The following CACNG4 variants were observed in gnomAD, a reference collection of about 807,000 sequenced individuals.
CACNG4 encodes the protein calcium voltage-gated channel auxiliary subunit gamma 4.
CACNG4 carries 8 observed loss-of-function variants against 22.9 expected under a neutral mutation model. That is an observed-to-expected ratio of 0.35 (90% CI 0.21 to 0.63). The LOEUF (loss-of-function observed/expected upper bound fraction) is 0.63. CACNG4 is among the 30% of genes least tolerant of loss of function. The pLI, the probability that CACNG4 is intolerant of heterozygous loss-of-function variation, is 0.72. For missense variants in CACNG4, 357 were observed against 455.4 expected, an observed-to-expected ratio of 0.78 and a Z score of 1.97; for synonymous variants, 188 against 191.9, an observed-to-expected ratio of 0.98 and a Z score of 0.17.
rs2035575206 is a variant in CACNG4 at position 67,027,507 on chromosome 17, G to A, written c.445+2507G>A. Among the ~76,000 whole-genome samples, 1 of 152,234 alleles carries A rather than the reference G, an allele frequency of 6.6e-6. No homozygotes were observed. The highest frequency in any genetic ancestry group is 2.4e-5 in the African/African-American group (1 of 41,464). On this transcript the variant is annotated intron_variant, in intron 3 of 3. Transcript: ENST00000262138. The surrounding 1 kb of genome is among the most constrained non-coding windows in gnomAD (Gnocchi z 4.3). ...GGCTTCAGGCCACCAGCCCTAGCAGGGAGGTCTGACAGGCTCTTAAAGAAC... is the reference window on the plus strand; with the variant it reads ...GGCTTCAGGCCACCAGCCCTAGCAGAGAGGTCTGACAGGCTCTTAAAGAAC...
At chr17:67,006,312 C>T (rs1429729740) in intron 1 of CACNG4, among the ~76,000 whole-genome samples, 2 of 152,294 alleles carry the variant, frequency 1.3e-5, no homozygotes, top group East Asian at 1.9e-4. Context: ...GGGTCTAGAG[C>T]TCCGGGCATG....
chr17:66,965,680 A>G (rs1176184308), intron 1 of CACNG4, among the ~76,000 whole-genome samples: 1 of 92,916 alleles, frequency 1.1e-5, no homozygotes, highest in Non-Finnish European at 2.0e-5. Context: ...CGCTTTCTAC[A>G]GGCTCGGGCT....
chr17:67,012,568 G>C (rs190007281), intron 1 of CACNG4, among the ~76,000 whole-genome samples: 2 of 152,112 alleles, frequency 1.3e-5, no homozygotes, highest in Non-Finnish European at 2.9e-5. Flanking sequence ...GCCCACCAAG[G>C]GACAGCGTTT....
At position 67,031,641 on chromosome 17, in the gene CACNG4, C is replaced by T. The variant is rs1208529013; in HGVS notation, c.*637C>T. Reference sequence around the variant, plus strand: ...CTGTCCCGGGGCCAGCTTCCCTCGACCTGGGGAGGCCGTGGCCTGTGGAGG... The same window carrying T: ...CTGTCCCGGGGCCAGCTTCCCTCGATCTGGGGAGGCCGTGGCCTGTGGAGG... On this transcript the variant is annotated 3_prime_UTR_variant, in exon 4 of 4. Coordinates refer to ENST00000262138, the MANE Select transcript of CACNG4 (RefSeq NM_014405.4). This position sits in a 1 kb window ranked among gnomAD's most constrained non-coding sequence, Gnocchi z 4.0. 1 of 456,764 alleles carries T rather than the reference C, an allele frequency of 2.2e-6. No individual in the cohort carries two copies. Among genetic ancestry groups the T allele is most frequent in the Non-Finnish European group, 4.4e-6 (1 of 226,978 alleles). The allele number at this position is 456,764 out of a possible 1,614,324, so 28.3% of individuals were successfully genotyped here. A position where few individuals can be genotyped will look rare whatever the true frequency, so the allele number is the denominator to read the frequency against.
intron 1 of CACNG4, among the ~76,000 whole-genome samples, chr17:66,993,669 G>A (rs537537272): frequency 3.9e-5 from 6 of 152,164 alleles, no homozygotes; most frequent in South Asian, 2.1e-4. Context: ...GCAGTGGCGC[G>A]ATCTCGGCTC....
chr17:66,986,732 G>C (rs1179648386), intron 1 of CACNG4, among the ~76,000 whole-genome samples: 2 of 152,154 alleles, frequency 1.3e-5, no homozygotes, highest in Admixed American at 1.3e-4. Context: ...GGTGTCCCTT[G>C]GCTTTGTAGA....
chr17:66,976,036 G>A (rs964746484), intron 1 of CACNG4, among the ~76,000 whole-genome samples: 5 of 152,184 alleles, frequency 3.3e-5, no homozygotes, highest in Admixed American at 6.5e-5. Flanking sequence ...CAGAGACAGC[G>A]CTCGTGGGGG....
chr17:67,002,608 ATCTCTCTCTTTC>A (rs1195703331), intron 1 of CACNG4, among the ~76,000 whole-genome samples: 21 of 136,410 alleles, frequency 1.5e-4, no homozygotes, highest in African/African-American at 6.0e-4. Flanking sequence ...TCCACCTCTC[ATCTCTCTCTTTC>A]TCTCTCTCTC....
chr17:66,968,128 A>C (rs1341692362), intron 1 of CACNG4, among the ~76,000 whole-genome samples: 2 of 152,138 alleles, frequency 1.3e-5, no homozygotes, highest in East Asian at 3.9e-4. Flanking sequence ...AGAGAGGTTC[A>C]GGGACTTGCC....
chr17:66,990,699 G>A (rs1302413122), intron 1 of CACNG4, among the ~76,000 whole-genome samples: 1 of 136,034 alleles, frequency 7.4e-6, no homozygotes, highest in Non-Finnish European at 1.5e-5. Flanking sequence ...ATTTATTTTT[G>A]AGACGGAGTC....
rs1335064617 is a variant in CACNG4, at chr17:66,964,797, G to T, written c.-115G>T. Reference sequence around the variant, plus strand: ...GGGTCGGAGCGCGCAGCGCGGCGCCGCCCCCCGGCCCTCGGCCCCCCAACC... The same window carrying T: ...GGGTCGGAGCGCGCAGCGCGGCGCCTCCCCCCGGCCCTCGGCCCCCCAACC... On this transcript the variant is annotated 5_prime_UTR_variant, in exon 1 of 4. Coordinates refer to ENST00000262138, the MANE Select transcript of CACNG4 (RefSeq NM_014405.4). 9 of 276,766 alleles carry T rather than the reference G, an allele frequency of 3.3e-5. No individual in the cohort carries two copies. In the Admixed American group the frequency reaches 5.5e-4, roughly 17 times the overall value. The allele number at this position is 276,766 out of a possible 1,614,324, so 17.1% of individuals were successfully genotyped here.
At chr17:67,004,100 T>A (rs1322331489) in intron 1 of CACNG4, among the ~76,000 whole-genome samples, 4 of 152,092 alleles carry the variant, frequency 2.6e-5, no homozygotes, top group Non-Finnish European at 5.9e-5. Context: ...CCTTTACAGC[T>A]CCCTAGTTGT....
chr17:67,030,781 C>T lies in CACNG4; in HGVS notation c.761C>T (p.Pro254Leu). 6.2e-7 allele frequency: 1 copy of T among 1,614,210 alleles called. No individual in the cohort carries two copies. Among genetic ancestry groups the T allele is most frequent in the East Asian group, 2.2e-5 (1 of 44,876 alleles). Residue 254 changes from proline (P) to leucine (L), a missense_variant, in exon 4 of 4, where the codon CCC becomes CTC. Around this residue, in one of 3 missense-constraint regions of CACNG4, gnomAD observed 240 missense variants for 277.6 expected, o/e 0.86. Transcript: ENST00000262138. This position sits in a 1 kb window ranked among gnomAD's most constrained non-coding sequence, Gnocchi z 6.4. ...AGCTCAAGGTCCACCGAGGCCTCGCCCTCCAGGGACGTGTCGCCCATGGGC... is the reference window on the plus strand; with the variant it reads ...AGCTCAAGGTCCACCGAGGCCTCGCTCTCCAGGGACGTGTCGCCCATGGGC... The part of the protein sequence containing the change: ...RSSSRSTEAS[P>L]SRDVSPMGLK...
Position 67,025,015 on chromosome 17 carries a change from C to CG in CACNG4, c.445+18dup, listed in dbSNP as rs780840390. The CG allele has an allele frequency of 6.4e-7, 1 of 1,573,580 alleles. No individual in the cohort carries two copies. The highest frequency in any genetic ancestry group is 8.6e-7 in the Non-Finnish European group (1 of 1,163,750). ...CGTGGCTGCAGGTGAGCCGCCCGCC[C>CG]GGGCTGGTGCTGGGCCGGGAGCTGG... On this transcript the variant is annotated intron_variant, in intron 3 of 3. Coordinates refer to ENST00000262138, the MANE Select transcript of CACNG4 (RefSeq NM_014405.4).
At chr17:67,006,520 G>C (rs1225333154) in intron 1 of CACNG4, among the ~76,000 whole-genome samples, 2 of 152,004 alleles carry the variant, frequency 1.3e-5, no homozygotes, top group African/African-American at 4.8e-5. Context: ...TCTGGGCTTC[G>C]TCTCGCCTGG....
intron 1 of CACNG4, among the ~76,000 whole-genome samples, chr17:66,999,650 C>CG (rs902359117): frequency 6.6e-6 from 1 of 152,116 alleles, no homozygotes; most frequent in African/African-American, 2.4e-5. Flanking sequence ...GAGAACACCA[C>CG]GGGGGGAAAC....
chr17:66,992,748 G>T (rs1349313223), intron 1 of CACNG4, among the ~76,000 whole-genome samples: 2 of 152,374 alleles, frequency 1.3e-5, no homozygotes, highest in South Asian at 4.1e-4. Flanking sequence ...GGCTGGATGA[G>T]CCCAAAGCTG....
chr17:66,982,156 A>G (rs2035279646), intron 1 of CACNG4, among the ~76,000 whole-genome samples: 1 of 152,224 alleles, frequency 6.6e-6, no homozygotes, highest in Non-Finnish European at 1.5e-5. Flanking sequence ...GAGTGAAAGA[A>G]CAAGCTTCCA....
At position 66,996,374 on chromosome 17, in the gene CACNG4, C is replaced by T. The variant is rs572359673; in HGVS notation, c.221-21815C>T. Among the ~76,000 whole-genome samples the T allele has an allele frequency of 2.2e-4, 30 of 139,190 alleles. 1 individual carries two copies. The East Asian group carries it at 5.2e-3, about 24-fold the overall frequency. The allele number at this position is 139,190 out of a possible 152,430, so 91.3% of individuals were successfully genotyped here. ...CCTCTTTGGAGAAAGAACATCAGTC[C>T]GATTCTTTTTTTTTTTTTTTTTTTA... On this transcript the variant is annotated intron_variant, in intron 1 of 3. Coordinates refer to ENST00000262138, the MANE Select transcript of CACNG4 (RefSeq NM_014405.4).
Sources: gnomAD v4.1 joint callset for allele counts (sites outside exome capture counted in the v4.1 genomes callset) on GRCh38, gnomAD v4.1.1 for gene constraint, gnomAD v4.1.1 regional missense constraint, Gnocchi (gnomAD v3.1) non-coding constraint, MANE v1.5 for transcripts, NCBI Gene and HGNC (gene_info 2026-07-23, HGNC 2026-07-21) for gene names.